Variants in PCDHGA10 observed in about 807,000 individuals in gnomAD.
The protein encoded by PCDHGA10 is protocadherin gamma subfamily A, 10.
A neutral mutation model predicts 59.5 loss-of-function variants in PCDHGA10; 42 were observed. That is an observed-to-expected ratio of 0.71 (90% CI 0.55 to 0.91). PCDHGA10 has a LOEUF of 0.91. PCDHGA10 is among the 40% of genes least tolerant of loss of function. The pLI is 0.00. For missense variants in PCDHGA10, 1,111 were observed against 1,198.2 expected, an observed-to-expected ratio of 0.93 and a Z score of 1.07; for synonymous variants, 511 against 517.2, an observed-to-expected ratio of 0.99 and a Z score of 0.16.
Position 141,486,601 on chromosome 5 carries a change from C to A in PCDHGA10, c.2437-8206C>A, listed in dbSNP as rs770685748. On this transcript the variant is annotated intron_variant, in intron 1 of 3. Transcript: ENST00000398610. The surrounding 1 kb of genome is among the most constrained non-coding windows in gnomAD (Gnocchi z 5.0). ...ATCGCCCAGGGGACCTGCTTTGCTCCCTTGCAGCCTCTGACCCAGACTCTG... is the reference window on the plus strand; with the variant it reads ...ATCGCCCAGGGGACCTGCTTTGCTCACTTGCAGCCTCTGACCCAGACTCTG... The A allele has an allele frequency of 1.9e-6, 3 of 1,613,558 alleles. No homozygotes were observed. The highest frequency in any genetic ancestry group is 3.3e-5 in the Admixed American group (2 of 60,026).
chr5:141,420,357 CT>C, intron 1 of PCDHGA10: 1 of 1,376,278 alleles, frequency 7.3e-7, no homozygotes, highest in Non-Finnish European at 9.6e-7. Context: ...TTTTAAGATT[CT>C]AGATAACTTC....
Position 141,431,721 on chromosome 5 carries a change from C to T in PCDHGA10, c.2436+16110C>T. The T allele has an allele frequency of 1.2e-6, 2 of 1,614,246 alleles. No homozygotes were observed. Among genetic ancestry groups the T allele is most frequent in the Non-Finnish European group, 1.7e-6 (2 of 1,180,044 alleles). On this transcript the variant is annotated intron_variant, in intron 1 of 3. Transcript: ENST00000398610. The surrounding 1 kb of genome is among the most constrained non-coding windows in gnomAD (Gnocchi z 4.8). ...GGATTCTACCAGATGGAAGTGCAAGCAATGGATAATGCAGGATATTCTGCG... is the reference window on the plus strand; with the variant it reads ...GGATTCTACCAGATGGAAGTGCAAGTAATGGATAATGCAGGATATTCTGCG...
chr5:141,423,149 A>G (rs763488632), intron 1 of PCDHGA10: 2 of 1,613,554 alleles, frequency 1.2e-6, no homozygotes, highest in Non-Finnish European at 8.5e-7. Context: ...GCGCTCAAGC[A>G]GAGCCTCGTG....
chr5:141,497,831 C>T (rs1336808833), intron 2 of PCDHGA10, among the ~76,000 whole-genome samples: 1 of 152,162 alleles, frequency 6.6e-6, no homozygotes, highest in Non-Finnish European at 1.5e-5. Flanking sequence ...TGATCGCCCC[C>T]GGCCACAACA....
rs866752085 is a variant in PCDHGA10, at chr5:141,424,634, A to G, written c.2436+9023A>G. ...AATAGAGTAGTTTGTGAATATATAA[A>G]TAGATTGAAGGTATTTGGACTTTAA... On this transcript the variant is annotated intron_variant, in intron 1 of 3. Coordinates refer to ENST00000398610, the MANE Select transcript of PCDHGA10 (RefSeq NM_018913.3). 6 of 152,338 alleles carry G rather than the reference A, an allele frequency of 3.9e-5. No individual in the cohort carries two copies. The South Asian group carries it at 1.2e-3, about 32-fold the overall frequency. 9.4% of individuals were successfully genotyped at this position (152,338 alleles called of 1,614,324 possible).
chr5:141,476,772 G>A lies in PCDHGA10; in HGVS notation c.2437-18035G>A. 1 of 1,613,650 alleles carries A rather than the reference G, an allele frequency of 6.2e-7. No homozygotes were observed. Among genetic ancestry groups the A allele is most frequent in the South Asian group, 1.1e-5 (1 of 91,086 alleles). ...CAGTTAGTGCTGACGGCGTTGGACG[G>A]AGGGACCCCAGCTCTCTCCGCCAGC... is the stretch of plus-strand genomic sequence containing the variant. On this transcript the variant is annotated intron_variant, in intron 1 of 3. Coordinates refer to ENST00000398610, the MANE Select transcript of PCDHGA10 (RefSeq NM_018913.3). The surrounding 1 kb of genome is among the most constrained non-coding windows in gnomAD (Gnocchi z 7.6).
At chr5:141,484,392 T>G (rs1454201773) in intron 1 of PCDHGA10, among the ~76,000 whole-genome samples, 1 of 152,162 alleles carries the variant, frequency 6.6e-6, no homozygotes, top group African/African-American at 2.4e-5. Flanking sequence ...TAAGAAAGGT[T>G]TGGTTTCCGC....
chr5:141,418,753 A>G, intron 1 of PCDHGA10: 2 of 1,613,974 alleles, frequency 1.2e-6, no homozygotes, highest in South Asian at 2.2e-5. Context: ...ATTACACTAC[A>G]GGAAACATTC....
intron 1 of PCDHGA10, chr5:141,416,489 G>A (rs2096031582): frequency 1.3e-5 from 2 of 152,158 alleles, no homozygotes; most frequent in Admixed American, 1.3e-4. Context: ...GAGAACAGGA[G>A]CAAGAGATAT....
At chr5:141,467,167 C>T (rs2099138606) in intron 1 of PCDHGA10, among the ~76,000 whole-genome samples, 1 of 151,832 alleles carries the variant, frequency 6.6e-6, no homozygotes, top group Non-Finnish European at 1.5e-5. Context: ...ATTCTCATCT[C>T]TCAGCCTCCC....
In PCDHGA10 at chr5:141,414,587, G is replaced by A. The variant is rs775783880; in HGVS notation, c.1412G>A (p.Arg471Lys). The A allele has an allele frequency of 3.1e-6, 5 of 1,613,828 alleles. No homozygotes were observed. Among genetic ancestry groups the A allele is most frequent in the Non-Finnish European group, 8.5e-7 (1 of 1,179,880 alleles). ...YFTYIPENNA[R>K]GASIFSVTAL... is the part of the protein sequence containing the mutation. ...ACCTATATCCCAGAGAACAACGCCA[G>A]GGGTGCCTCCATCTTCTCAGTGACA... Residue 471 changes from arginine (R) to lysine (K), a missense_variant, in exon 1 of 4, where the codon AGG becomes AAG. Transcript: ENST00000398610.
chr5:141,477,193 C>G lies in PCDHGA10; in HGVS notation c.2437-17614C>G. The G allele has an allele frequency of 6.2e-7, 1 of 1,614,176 alleles. No homozygotes were observed. Among genetic ancestry groups the G allele is most frequent in the Non-Finnish European group, 8.5e-7 (1 of 1,180,036 alleles). On this transcript the variant is annotated intron_variant, in intron 1 of 3. Transcript: ENST00000398610. This position sits in a 1 kb window ranked among gnomAD's most constrained non-coding sequence, Gnocchi z 4.9. ...AGATCACAGTCACCTCCGTGTACAG[C>G]CCAGTACCCGAGGATGCCCCTCTGG...
chr5:141,423,525 G>A (rs1014975146), intron 1 of PCDHGA10: 8 of 1,613,710 alleles, frequency 5.0e-6, no homozygotes, highest in African/African-American at 2.7e-5. Context: ...ACTCGCAGAA[G>A]AGTCACCTGA....
intron 1 of PCDHGA10, chr5:141,419,601 C>A (rs753678898): frequency 6.2e-7 from 1 of 1,611,818 alleles, no homozygotes; most frequent in Admixed American, 1.7e-5. Flanking sequence ...GTGCCGCGGG[C>A]CGCGCAGCCA....
chr5:141,421,964 C>T (rs772274014), intron 1 of PCDHGA10: 3 of 1,611,472 alleles, frequency 1.9e-6, no homozygotes, highest in Non-Finnish European at 1.7e-6. Flanking sequence ...TTTACACAGT[C>T]CGTATATCGC....
chr5:141,443,618 G>A (rs901899343), intron 1 of PCDHGA10, among the ~76,000 whole-genome samples: 2 of 152,178 alleles, frequency 1.3e-5, no homozygotes, highest in Non-Finnish European at 2.9e-5. Context: ...TTATAATCAG[G>A]TGATTGTAAA....
chr5:141,468,809 T>A (rs1473677700), intron 1 of PCDHGA10, among the ~76,000 whole-genome samples: 1 of 151,850 alleles, frequency 6.6e-6, no homozygotes, highest in Admixed American at 6.6e-5. Flanking sequence ...GAACTTGCAG[T>A]GAGCCAAGAT....
intron 1 of PCDHGA10, among the ~76,000 whole-genome samples, chr5:141,460,983 GTATATATATATA>G (rs59296681): frequency 7.3e-6 from 1 of 137,780 alleles, no homozygotes. Flanking sequence ...GTGTGTGTGT[GTATATATATATA>G]TGTGTATATA....
chr5:141,466,754 C>G (rs1045917268), intron 1 of PCDHGA10, among the ~76,000 whole-genome samples: 2 of 152,138 alleles, frequency 1.3e-5, no homozygotes, highest in South Asian at 2.1e-4. Context: ...GATAGGGGCT[C>G]TTTTCAAACT....
Sources: allele counts gnomAD v4.1 joint callset (sites outside exome capture counted in the v4.1 genomes callset), GRCh38; gene constraint gnomAD v4.1.1; non-coding constraint Gnocchi (gnomAD v3.1); transcripts MANE v1.5; gene names NCBI Gene and HGNC (gene_info 2026-07-23, HGNC 2026-07-21).